NPAS3: variants seen among roughly 807,000 people sequenced by gnomAD.
The protein encoded by NPAS3 is neuronal PAS domain protein 3.
Under a neutral mutation model 73.1 loss-of-function variants are expected in NPAS3, and 14 were observed. The observed-to-expected ratio is 0.19, with a 90% CI of 0.13 to 0.30. The LOEUF is 0.30. NPAS3 is among the 10% of genes least tolerant of loss of function. NPAS3 has a pLI of 1.00. For synonymous variants in NPAS3, 620 were observed against 541.5 expected (o/e 1.14, Z -2.01); for missense variants, 1,096 against 1,250.0 (o/e 0.88, Z 1.86).
chr14:33,203,471 C>G (rs1414751002), intron 2 of NPAS3, among the ~76,000 whole-genome samples: 1 of 152,120 alleles, frequency 6.6e-6, no homozygotes, highest in African/African-American at 2.4e-5. Context: ...TCCCTCCCCA[C>G]TCCCCACACC....
chr14:33,772,239 T>C (rs929187065), intron 7 of NPAS3, among the ~76,000 whole-genome samples: 2 of 152,168 alleles, frequency 1.3e-5, no homozygotes, highest in African/African-American at 4.8e-5. Flanking sequence ...GAAAAGGAAA[T>C]TGAGACACAG....
At chr14:33,139,008 G>T (rs1238470437) in intron 2 of NPAS3, among the ~76,000 whole-genome samples, 1 of 152,172 alleles carries the variant, frequency 6.6e-6, no homozygotes, top group Admixed American at 6.5e-5. Flanking sequence ...GCTATAGCTG[G>T]CAAAAGTTTC....
intron 2 of NPAS3, among the ~76,000 whole-genome samples, chr14:33,162,739 C>G (rs769742371): frequency 6.6e-6 from 1 of 152,062 alleles, no homozygotes; most frequent in Non-Finnish European, 1.5e-5. Context: ...TTGACAGAAC[C>G]TCCTCTCTTT....
chr14:33,325,612 C>G (rs542829382), intron 3 of NPAS3, among the ~76,000 whole-genome samples: 214 of 149,854 alleles, frequency 1.4e-3, no homozygotes, highest in Middle Eastern at 3.4e-3. Context: ...GTGCCCTCAG[C>G]CTGGGTGACA....
At chr14:33,021,223 G>C (rs113117731) in intron 1 of NPAS3, among the ~76,000 whole-genome samples, 1 of 152,138 alleles carries the variant, frequency 6.6e-6, no homozygotes, top group Non-Finnish European at 1.5e-5. Flanking sequence ...ATCATCATCA[G>C]CAGCAGCAGC....
At chr14:33,147,725 T>TTA (rs1555344640) in intron 2 of NPAS3, among the ~76,000 whole-genome samples, 3 of 91,644 alleles carry the variant, frequency 3.3e-5, no homozygotes, top group Admixed American at 9.6e-5. Context: ...TAAAGTAGAA[T>TTA]AAAAAATATA....
intron 1 of NPAS3, among the ~76,000 whole-genome samples, chr14:33,017,695 T>G (rs1347634608): frequency 1.3e-5 from 2 of 152,178 alleles, no homozygotes; most frequent in African/African-American, 4.8e-5. Flanking sequence ...CGTGAGCAAA[T>G]TACTGAACAT....
intron 2 of NPAS3, among the ~76,000 whole-genome samples, chr14:33,184,346 A>G (rs1361238708): frequency 6.6e-6 from 1 of 152,130 alleles, no homozygotes; most frequent in African/African-American, 2.4e-5. Context: ...AGAAGGGCTG[A>G]CCAATCTCCT....
intron 2 of NPAS3, among the ~76,000 whole-genome samples, chr14:33,156,532 A>G (rs991172022): frequency 1.3e-5 from 2 of 152,172 alleles, no homozygotes; most frequent in African/African-American, 4.8e-5. Flanking sequence ...TCCCTTAATT[A>G]TTTACAAGAA....
intron 7 of NPAS3, among the ~76,000 whole-genome samples, chr14:33,736,951 C>G (rs747099489): frequency 6.6e-6 from 1 of 152,268 alleles, no homozygotes; most frequent in East Asian, 1.9e-4. Flanking sequence ...TTTAAGAACA[C>G]GGCAATATGC....
chr14:33,608,727 T>A (rs763870486), intron 5 of NPAS3: 12 of 152,194 alleles, frequency 7.9e-5, no homozygotes, highest in African/African-American at 2.4e-4. Context: ...GTTGGACAGA[T>A]TATTTCATCA....
At chr14:33,316,713 ATG>A (rs2043221048) in intron 3 of NPAS3, among the ~76,000 whole-genome samples, 1 of 152,084 alleles carries the variant, frequency 6.6e-6, no homozygotes, top group Non-Finnish European at 1.5e-5. Context: ...CCTCTTGTGC[ATG>A]TGTTAGCATA....
chr14:33,439,317 G>C (rs1053513226), intron 4 of NPAS3, among the ~76,000 whole-genome samples: 3 of 152,148 alleles, frequency 2.0e-5, no homozygotes, highest in African/African-American at 7.2e-5. Context: ...TGTTCCCAGG[G>C]GGCAAATATG....
chr14:33,160,003 T>A (rs1177493821), intron 2 of NPAS3, among the ~76,000 whole-genome samples: 6 of 152,330 alleles, frequency 3.9e-5, no homozygotes, highest in African/African-American at 9.6e-5. Context: ...TTAAATTTTT[T>A]AAAAATGAAA....
intron 10 of NPAS3, among the ~76,000 whole-genome samples, chr14:33,796,763 A>T (rs1300014160): frequency 6.6e-6 from 1 of 152,232 alleles, no homozygotes; most frequent in African/African-American, 2.4e-5. Flanking sequence ...TAGAACAAAA[A>T]TTAAGCACAT....
At chr14:33,177,071 T>TTTATTTA (rs2045615521) in intron 2 of NPAS3, among the ~76,000 whole-genome samples, 1 of 138,336 alleles carries the variant, frequency 7.2e-6, no homozygotes, top group Non-Finnish European at 1.5e-5. Context: ...TGTTTATCTT[T>TTTATTTA]TTATTATTAT....
At chr14:33,654,434 G>A (rs190563873) in intron 5 of NPAS3, among the ~76,000 whole-genome samples, 4 of 152,092 alleles carry the variant, frequency 2.6e-5, no homozygotes, top group Admixed American at 2.0e-4. Flanking sequence ...GACAAGTTTC[G>A]GTTCACCTGC....
chr14:33,264,315 T>C (rs529992122), intron 3 of NPAS3, among the ~76,000 whole-genome samples: 11 of 152,138 alleles, frequency 7.2e-5, no homozygotes, highest in South Asian at 2.1e-4. Context: ...GAGATATACC[T>C]AATGTAAATG....
intron 4 of NPAS3, among the ~76,000 whole-genome samples, chr14:33,369,704 GA>G (rs2046003521): frequency 1.3e-5 from 2 of 152,144 alleles, no homozygotes; most frequent in Non-Finnish European, 2.9e-5. Flanking sequence ...AATGGTTATG[GA>G]GTGGAAGAAC....
Sources: gnomAD v4.1 joint callset for allele counts (sites outside exome capture counted in the v4.1 genomes callset) on GRCh38, gnomAD v4.1.1 for gene constraint, MANE v1.5 for transcripts, NCBI Gene and HGNC (gene_info 2026-07-23, HGNC 2026-07-21) for gene names.